The following ALDH2 variants were observed in gnomAD, a reference collection of about 807,000 sequenced individuals.
ALDH2 encodes aldehyde dehydrogenase 2 family member, also known as aldehyde dehydrogenase, mitochondrial.
In ALDH2, 44 loss-of-function variants were observed where a neutral mutation model predicts 59.6. The observed-to-expected ratio is 0.74, with a 90% CI of 0.58 to 0.95. ALDH2 has a LOEUF of 0.95. ALDH2 is among the 40% of genes least tolerant of loss of function. The pLI is 0.00. For missense variants in ALDH2, 570 were observed against 696.3 expected (o/e 0.82, Z 2.04); for synonymous variants, 291 against 284.0 (o/e 1.02, Z -0.25).
chr12:111,814,030 G>C lies in ALDH2; in HGVS notation c.*4455G>C, dbSNP rs372934943. 1 of 152,448 alleles carries C rather than the reference G, an allele frequency of 6.6e-6. No homozygotes were observed. Among genetic ancestry groups the C allele is most frequent in the African/African-American group, 2.4e-5 (1 of 41,564 alleles). The allele number at this position is 152,448 out of a possible 1,614,324, so 9.4% of individuals were successfully genotyped here. A position where few individuals can be genotyped will look rare whatever the true frequency, so the allele number is the denominator to read the frequency against. ...GCGGATCACATGAGGTCAAGAGTTC[G>C]AGACTAGCCTGGCCAACATGGTGAA... On this transcript the variant is annotated 3_prime_UTR_variant, in exon 13 of 13. Transcript: ENST00000261733.
intron 1 of ALDH2, among the ~76,000 whole-genome samples, chr12:111,769,412 T>G (rs2068182445): frequency 6.6e-6 from 1 of 152,006 alleles, no homozygotes; most frequent in South Asian, 2.1e-4. Flanking sequence ...CAAGAACCCA[T>G]CTCTTAAAAA....
Position 111,809,693 on chromosome 12 carries a change from A to C in ALDH2, c.*118A>C. On this transcript the variant is annotated 3_prime_UTR_variant, in exon 13 of 13. Coordinates refer to ENST00000261733, the MANE Select transcript of ALDH2 (RefSeq NM_000690.4). ...CTGAAAAGAGAAATTTTTCCTACAA[A>C]ATCTCTTGGGTCAAGAAAGTTCTAG... is the stretch of plus-strand genomic sequence containing the variant. 1 of 1,174,414 alleles carries C rather than the reference A, an allele frequency of 8.5e-7. No individual in the cohort carries two copies. The highest frequency in any genetic ancestry group is 1.2e-6 in the Non-Finnish European group (1 of 811,030). 72.7% of individuals were successfully genotyped at this position (1,174,414 alleles called of 1,614,324 possible).
chr12:111,771,330 G>A (rs1566179772), intron 1 of ALDH2, among the ~76,000 whole-genome samples: 1 of 152,128 alleles, frequency 6.6e-6, no homozygotes, highest in African/African-American at 2.4e-5. Context: ...CAAGGAGTTT[G>A]AGGCTTCAGT....
chr12:111,771,958 G>A (rs1375074416), intron 1 of ALDH2, among the ~76,000 whole-genome samples: 2 of 151,952 alleles, frequency 1.3e-5, no homozygotes, highest in African/African-American at 4.8e-5. Flanking sequence ...AATTAGCTAG[G>A]CCTGGTAGCC....
Position 111,791,243 on chromosome 12 carries a change from C to T in ALDH2, c.682-63C>T, listed in dbSNP as rs899321118. 93 of 1,264,122 alleles carry T rather than the reference C, an allele frequency of 7.4e-5. No homozygotes were observed. The Admixed American group carries it at 1.6e-3, about 22-fold the overall frequency. 78.3% of individuals were successfully genotyped at this position (1,264,122 alleles called of 1,614,324 possible). On this transcript the variant is annotated intron_variant, in intron 6 of 12. Transcript: ENST00000261733. ...CCTCTCTGAGAAAGGATGTGTCTTC[C>T]CCTGGTTGAGCCCTTCAGAATAGGA...
chr12:111,812,878 AAC>A lies in ALDH2; in HGVS notation c.*3307_*3308del, dbSNP rs1436694287. ...AGAGTGAGACCCCATCTCTGAAAAA[AAC>A]ACAAAAAACAAGAAAAGAATACTGC... On this transcript the variant is annotated 3_prime_UTR_variant, in exon 13 of 13. Transcript: ENST00000261733. The A allele has an allele frequency of 6.6e-6, 1 of 152,224 alleles. No homozygotes were observed. The highest frequency in any genetic ancestry group is 1.5e-5 in the Non-Finnish European group (1 of 68,062). 9.4% of individuals were successfully genotyped at this position (152,224 alleles called of 1,614,324 possible).
At chr12:111,773,701 G>A (rs2068217573) in intron 1 of ALDH2, among the ~76,000 whole-genome samples, 1 of 152,182 alleles carries the variant, frequency 6.6e-6, no homozygotes, top group South Asian at 2.1e-4. Flanking sequence ...CCTGAATAAT[G>A]ATCAGACCAT....
At chr12:111,775,785 T>G in intron 1 of ALDH2, 1 of 403,410 alleles carries the variant, frequency 2.5e-6, no homozygotes, top group Non-Finnish European at 5.0e-6. Context: ...TCTGGCCTGG[T>G]GTTTATTCAG....
chr12:111,800,048 A>G lies in ALDH2; in HGVS notation c.1391A>G (p.Gln464Arg). The G allele has an allele frequency of 6.2e-7, 1 of 1,612,624 alleles. No individual in the cohort carries two copies. Among genetic ancestry groups the G allele is most frequent in the Non-Finnish European group, 8.5e-7 (1 of 1,179,636 alleles). Residue 464 changes from glutamine (Q) to arginine (R), a missense_variant, in exon 11 of 13, where the codon CAG (glutamine) becomes CGG (arginine). Gln to Arg is a conservative substitution (Grantham distance 43). Coordinates refer to ENST00000261733, the MANE Select transcript of ALDH2 (RefSeq NM_000690.4). ...DKANYLSQAL[Q>R]AGTVWVNCYD... The stretch of plus-strand genomic sequence containing the variant: ...GCCAATTACCTGTCCCAGGCCCTCC[A>G]GGCGGGCACTGTGTGGTAAGAGCCT...
intron 1 of ALDH2, among the ~76,000 whole-genome samples, 179 bp downstream of exon 1, chr12:111,767,275 C>T (rs1262355448): frequency 2.0e-5 from 3 of 152,186 alleles, no homozygotes; most frequent in Non-Finnish European, 4.4e-5. Flanking sequence ...AGCCCCTTCG[C>T]CGCCTCTGAC....
chr12:111,796,941 A>G (rs1321720763), intron 9 of ALDH2, among the ~76,000 whole-genome samples: 1 of 150,130 alleles, frequency 6.7e-6, no homozygotes, highest in East Asian at 1.9e-4. Context: ...ATATAAGTGC[A>G]TATTGTTCTA....
rs141288612 is a variant in ALDH2, at chr12:111,799,643, C to T, written c.1249-263C>T. Among the ~76,000 whole-genome samples, 129 of 152,250 alleles carry T rather than the reference C, an allele frequency of 8.5e-4. No individual in the cohort carries two copies. The East Asian group carries it at 8.7e-3, about 10-fold the overall frequency. On this transcript the variant is annotated intron_variant, in intron 10 of 12. Coordinates refer to ENST00000261733, the MANE Select transcript of ALDH2 (RefSeq NM_000690.4). ...TCTTTGACACTAAATCTACGTGTCA[C>T]GTGTGAATAACATACCTGGCAGGAT... is the stretch of plus-strand genomic sequence containing the variant.
In ALDH2 at chr12:111,803,982, G is replaced by A. The variant is rs2068473922; in HGVS notation, c.1521+9G>A. The A allele has an allele frequency of 6.3e-7, 1 of 1,592,424 alleles. No individual in the cohort carries two copies. The highest frequency in any genetic ancestry group is 8.6e-7 in the Non-Finnish European group (1 of 1,167,320). ...ACACTGAAGTGAAAACTGTGAGTGT[G>A]GGACCTGCTGGGGGCTCAGGGCCTG... is the stretch of plus-strand genomic sequence containing the variant. On this transcript the variant is annotated intron_variant, in intron 12 of 12. Coordinates refer to ENST00000261733, the MANE Select transcript of ALDH2 (RefSeq NM_000690.4).
intron 1 of ALDH2, chr12:111,775,853 C>G (rs1475580466): frequency 7.8e-6 from 2 of 256,314 alleles, no homozygotes; most frequent in Non-Finnish European, 1.6e-5. Context: ...GAGAACAGTT[C>G]CTACCCAGCC....
intron 2 of ALDH2, among the ~76,000 whole-genome samples, 156 bp from the exon 3 acceptor site, chr12:111,783,002 A>C (rs1048893609): frequency 6.6e-6 from 1 of 152,186 alleles, no homozygotes; most frequent in Non-Finnish European, 1.5e-5. Context: ...TCTGGTGCTC[A>C]TCAGGGCTCT....
At chr12:111,788,622 G>A (rs1210009980) in intron 4 of ALDH2, among the ~76,000 whole-genome samples, 3 of 152,168 alleles carry the variant, frequency 2.0e-5, no homozygotes, top group African/African-American at 7.2e-5. Context: ...TATAGATCTG[G>A]GGGAGGGAAG....
intron 6 of ALDH2, 86 bp downstream of exon 6, chr12:111,790,648 C>G: frequency 6.4e-7 from 1 of 1,561,246 alleles, no homozygotes. Flanking sequence ...TCAGGGGTCC[C>G]TAAACAGGGA....
intron 1 of ALDH2, among the ~76,000 whole-genome samples, chr12:111,771,614 C>T (rs1015810820): frequency 2.0e-5 from 3 of 152,214 alleles, no homozygotes; most frequent in Admixed American, 1.3e-4. Context: ...CAGCACTCTA[C>T]ACCATATGAA....
In ALDH2 at chr12:111,798,255, G is replaced by A. The variant is rs781225098; in HGVS notation, c.1248+13G>A. 13 of 1,535,734 alleles carry A rather than the reference G, an allele frequency of 8.5e-6. No individual in the cohort carries two copies. The East Asian group carries it at 3.0e-4, about 35-fold the overall frequency. Reference sequence around the variant, plus strand: ...CGCCAAGGAGGAGGTGAGCACTTGGGGCCAGTGCTCTGGAAACATTCTTGG... The same window carrying A: ...CGCCAAGGAGGAGGTGAGCACTTGGAGCCAGTGCTCTGGAAACATTCTTGG... On this transcript the variant is annotated intron_variant, in intron 10 of 12. Coordinates refer to ENST00000261733, the MANE Select transcript of ALDH2 (RefSeq NM_000690.4).
Sources: allele counts gnomAD v4.1 joint callset (sites outside exome capture counted in the v4.1 genomes callset), GRCh38; gene constraint gnomAD v4.1.1; transcripts MANE v1.5; gene names NCBI Gene and HGNC (gene_info 2026-07-23, HGNC 2026-07-21).